TRANK1: variants seen among roughly 807,000 people sequenced by gnomAD.
The protein encoded by TRANK1 is tetratricopeptide repeat and ankyrin repeat containing 1.
A neutral mutation model predicts 266.0 loss-of-function variants in TRANK1; 198 were observed. The ratio of observed to expected loss-of-function variants is 0.74; its 90% CI spans 0.66 to 0.84. TRANK1 has a LOEUF of 0.84. Among genes scored for constraint, TRANK1 ranks in the 40% least tolerant of loss-of-function variants. The probability of loss-of-function intolerance (pLI) is 0.00; values close to 1 mark genes in which losing one functional copy is unlikely to be tolerated. For missense variants in TRANK1, 3,326 were observed against 3,634.6 expected (o/e 0.92, Z 2.18); for synonymous variants, 1,396 against 1,384.1 (o/e 1.01, Z -0.19).
intron 13 of TRANK1, among the ~76,000 whole-genome samples, chr3:36,853,988 G>A (rs552837720): frequency 1.3e-5 from 2 of 152,296 alleles, no homozygotes; most frequent in Non-Finnish European, 1.5e-5. Context: ...ACACTAAACT[G>A]AACATTTCAA....
chr3:36,903,882 C>A (rs2079921602), intron 2 of TRANK1, among the ~76,000 whole-genome samples: 1 of 152,194 alleles, frequency 6.6e-6, no homozygotes, highest in Admixed American at 6.5e-5. Flanking sequence ...CAAAGCAAAC[C>A]ACAATATGTC....
chr3:36,848,903 G>T (rs1021577273), intron 15 of TRANK1, among the ~76,000 whole-genome samples: 1 of 152,186 alleles, frequency 6.6e-6, no homozygotes, highest in African/African-American at 2.4e-5. Flanking sequence ...GAAGAACAGG[G>T]TATTTTAAAA....
chr3:36,859,224 A>G (rs2079101486), intron 11 of TRANK1, among the ~76,000 whole-genome samples: 5 of 149,356 alleles, frequency 3.3e-5, no homozygotes, highest in African/African-American at 1.2e-4. Context: ...ACCTAACATC[A>G]TACCTGACAC....
intron 20 of TRANK1, among the ~76,000 whole-genome samples, chr3:36,837,895 T>C (rs1417198494): frequency 6.6e-6 from 1 of 152,174 alleles, no homozygotes; most frequent in Non-Finnish European, 1.5e-5. Flanking sequence ...AATATTATTA[T>C]ATTTTAATTA....
chr3:36,933,471 C>A (rs2080386992), intron 1 of TRANK1, among the ~76,000 whole-genome samples: 1 of 152,248 alleles, frequency 6.6e-6, no homozygotes. Context: ...GAGCAAGGAA[C>A]CCAAAGCTCA....
At chr3:36,927,965 TA>T (rs2080311206) in intron 1 of TRANK1, among the ~76,000 whole-genome samples, 1 of 152,226 alleles carries the variant, frequency 6.6e-6, no homozygotes, top group African/African-American at 2.4e-5. Context: ...AGTCAGGAAC[TA>T]AATTCTCGTG....
chr3:36,858,883 C>T lies in TRANK1; in HGVS notation c.1507G>A (p.Gly503Ser). The change falls in exon 12 of 24, where the codon GGT (glycine) becomes AGT (serine). Residue 503 changes from glycine to serine, a missense_variant. By Grantham distance (56) the Gly-to-Ser change is moderately conservative. Coordinates refer to ENST00000645898, the MANE Select transcript of TRANK1 (RefSeq NM_001329998.2). ...CLIDSGALPD[G>S]LQESQERPVV... The stretch of plus-strand genomic sequence containing the variant: ...GGCCTCTCCTGGCTCTCCTGAAGAC[C>T]ATCAGGCAAGGCTGGGAGAGGAGAG... The T allele has an allele frequency of 6.5e-7, 1 of 1,535,654 alleles. No homozygotes were observed. The highest frequency in any genetic ancestry group is 8.7e-7 in the Non-Finnish European group (1 of 1,146,112).
intron 12 of TRANK1, 57 bp downstream of exon 12, chr3:36,858,661 G>T: frequency 7.0e-7 from 1 of 1,436,694 alleles, no homozygotes; most frequent in Non-Finnish European, 9.1e-7. Context: ...CATAGCATCA[G>T]TTCTAATATC....
At chr3:36,843,242 T>C (rs1185805546) in intron 17 of TRANK1, among the ~76,000 whole-genome samples, 1 of 152,214 alleles carries the variant, frequency 6.6e-6, no homozygotes, top group African/African-American at 2.4e-5. Context: ...GTGAGGTTAT[T>C]GAAAGGAGGA....
chr3:36,866,075 A>AGAAAGAAC (rs1491270232), intron 9 of TRANK1, among the ~76,000 whole-genome samples: 12 of 147,754 alleles, frequency 8.1e-5, no homozygotes, highest in Non-Finnish European at 1.5e-4. Context: ...AAAGAAAGAA[A>AGAAAGAAC]GAAAGAAAGA....
At position 36,874,256 on chromosome 3, in the gene TRANK1, T is replaced by G. The variant is rs955808331; in HGVS notation, c.948A>C (p.Ala316=). The G allele has an allele frequency of 6.5e-7, 1 of 1,537,188 alleles. No individual in the cohort carries two copies. Among genetic ancestry groups the G allele is most frequent in the Admixed American group, 2.0e-5 (1 of 50,992 alleles). Residue 316 remains alanine, a synonymous_variant, in exon 9 of 24, where the codon GCA becomes GCC. Coordinates refer to ENST00000645898, the MANE Select transcript of TRANK1 (RefSeq NM_001329998.2). ...EDVQMLLRFG[A]DPTLLDRQSR... ...ACTGTCGATCCAGCAAAGTGGGATC[T>G]GCCCCAAAGCGCAGGAGCATCTGCA...
rs373412729 is a variant in TRANK1 at position 36,903,135 on chromosome 3, C to T, written c.282+14G>A. ...CAAGTCATCTCCCCACACCTTCACC[C>T]TCCCACCCCATACCTTCACGTAGGT... On this transcript the variant is annotated intron_variant, in intron 3 of 23. Coordinates refer to ENST00000645898, the MANE Select transcript of TRANK1 (RefSeq NM_001329998.2). The T allele has an allele frequency of 3.5e-5, 54 of 1,536,390 alleles. No homozygotes were observed. In the African/African-American group the frequency reaches 7.1e-4, roughly 20 times the overall value.
chr3:36,890,454 A>C (rs534086528), intron 7 of TRANK1, among the ~76,000 whole-genome samples: 95 of 152,300 alleles, frequency 6.2e-4, no homozygotes, highest in African/African-American at 2.1e-3. Context: ...CAAGAGCTAC[A>C]GAATGCACTC....
chr3:36,846,658 C>T (rs1022070185), intron 16 of TRANK1, among the ~76,000 whole-genome samples: 1 of 152,116 alleles, frequency 6.6e-6, no homozygotes, highest in Non-Finnish European at 1.5e-5. Context: ...TATAGGATGA[C>T]CTTTGAATCA....
intron 1 of TRANK1, among the ~76,000 whole-genome samples, chr3:36,922,520 A>G (rs1177443904): frequency 6.6e-6 from 1 of 151,894 alleles, no homozygotes; most frequent in East Asian, 1.9e-4. Flanking sequence ...CAGGAGAATC[A>G]CTTGAAACCA....
Position 36,828,322 on chromosome 3 carries a change from G to A in TRANK1, c.8863C>T (p.Arg2955Trp), listed in dbSNP as rs769461726. ...CATTTCCGAGAACGCCTTCTAGGCC[G>A]AAGCTCACCAAAGTCTTCAACTTCA... ...ENEVEDFGEL[R>W]PRRRSRKCGK... Residue 2955 changes from arginine (R) to tryptophan (W), a missense_variant, in exon 24 of 24, where the codon CGG becomes TGG. By Grantham distance (101) the Arg-to-Trp change is moderately radical. Coordinates refer to ENST00000645898, the MANE Select transcript of TRANK1 (RefSeq NM_001329998.2). 1.4e-5 allele frequency: 23 copies of A among 1,607,484 alleles called. No individual in the cohort carries two copies. Among genetic ancestry groups the A allele is most frequent in the African/African-American group, 2.7e-5 (2 of 74,452 alleles).
rs551708394 is a variant in TRANK1 at position 36,919,059 on chromosome 3, A to G, written c.24-10605T>C. Among the ~76,000 whole-genome samples the G allele has an allele frequency of 2.0e-5, 3 of 152,266 alleles. No individual in the cohort carries two copies. The South Asian group carries it at 6.2e-4, about 31-fold the overall frequency. ...GGTTACAGTCAAATGGTCAAACAAC[A>G]TACAGCAACAATTACTGTGCAATAT... On this transcript the variant is annotated intron_variant, in intron 1 of 23. Transcript: ENST00000645898.
chr3:36,834,941 T>C (rs1301227163), intron 20 of TRANK1, 34 bp from the exon 21 acceptor site: 3 of 1,550,644 alleles, frequency 1.9e-6, no homozygotes, highest in Middle Eastern at 1.8e-4. Flanking sequence ...TTATTTAGAG[T>C]ACTCATGATT....
At chr3:36,908,490 C>A in intron 1 of TRANK1, 36 bp from the exon 2 acceptor site, 1 of 1,232,172 alleles carries the variant, frequency 8.1e-7, no homozygotes, top group Non-Finnish European at 1.0e-6. Context: ...GCTGCCAGAC[C>A]CGTGCAGGGC....
Sources: allele counts gnomAD v4.1 joint callset (sites outside exome capture counted in the v4.1 genomes callset), GRCh38; gene constraint gnomAD v4.1.1; transcripts MANE v1.5; gene names NCBI Gene and HGNC (gene_info 2026-07-23, HGNC 2026-07-21).